Variants in PALM2AKAP2 observed in about 807,000 individuals in gnomAD.
The protein encoded by PALM2AKAP2 is PALM2-AKAP2 fusion protein.
PALM2AKAP2 carries 37 observed loss-of-function variants against 71.5 expected under a neutral mutation model. The ratio of observed to expected loss-of-function variants is 0.52; its 90% CI spans 0.40 to 0.68. The LOEUF (loss-of-function observed/expected upper bound fraction) is 0.68. PALM2AKAP2 is among the 30% of genes least tolerant of loss of function. The pLI is 0.00. For missense variants in PALM2AKAP2, 1,224 were observed against 1,191.8 expected (o/e 1.03, Z -0.40); for synonymous variants, 468 against 478.8 (o/e 0.98, Z 0.29).
intron 1 of PALM2AKAP2, among the ~76,000 whole-genome samples, chr9:109,794,852 G>A (rs1012958595): frequency 1.3e-5 from 2 of 152,224 alleles, no homozygotes; most frequent in African/African-American, 2.4e-5. Flanking sequence ...TTGTGAAATC[G>A]GGTTAAAGAA....
At chr9:109,934,892 A>G (rs545735583) in intron 6 of PALM2AKAP2, among the ~76,000 whole-genome samples, 1 of 152,374 alleles carries the variant, frequency 6.6e-6, no homozygotes, top group South Asian at 2.1e-4. Context: ...GAAAGACAAA[A>G]ATAAGCATGA....
intron 6 of PALM2AKAP2, among the ~76,000 whole-genome samples, chr9:109,947,119 T>G (rs1436489794): frequency 2.0e-5 from 3 of 152,248 alleles, no homozygotes; most frequent in Non-Finnish European, 4.4e-5. Flanking sequence ...CACAGTTTCC[T>G]TGAGCCTTCT....
exon 2 of PALM2AKAP2, chr9:110,138,327 T>A (rs1173545822): frequency 5.6e-6 from 9 of 1,614,180 alleles, no homozygotes; most frequent in Non-Finnish European, 6.8e-6. Context: ...GCCTCCCTCC[T>A]GGCCACTCAA....
chr9:109,703,957 A>G (rs1828104071), intron 1 of PALM2AKAP2, among the ~76,000 whole-genome samples: 1 of 152,152 alleles, frequency 6.6e-6, no homozygotes, highest in Non-Finnish European at 1.5e-5. Flanking sequence ...ACCCCTGGAG[A>G]AGGATCCACT....
intron 3 of PALM2AKAP2, among the ~76,000 whole-genome samples, chr9:109,915,423 A>C (rs546202883): frequency 6.6e-6 from 1 of 152,210 alleles, no homozygotes; most frequent in African/African-American, 2.4e-5. Context: ...TTGTGTTGCA[A>C]TGTGCATTCT....
chr9:110,056,076 C>T (rs1833833740), intron 1 of PALM2AKAP2, among the ~76,000 whole-genome samples: 1 of 152,204 alleles, frequency 6.6e-6, no homozygotes, highest in African/African-American at 2.4e-5. Context: ...GGGAGGGACC[C>T]TCATTTGCCC....
intron 1 of PALM2AKAP2, among the ~76,000 whole-genome samples, chr9:109,788,794 C>T (rs548868362): frequency 6.6e-6 from 1 of 152,258 alleles, no homozygotes; most frequent in South Asian, 2.1e-4. Flanking sequence ...TCATGCAAGC[C>T]GGGTGCGGTG....
intron 3 of PALM2AKAP2, among the ~76,000 whole-genome samples, chr9:109,912,729 C>G (rs999913724): frequency 5.9e-5 from 9 of 152,116 alleles, no homozygotes; most frequent in Non-Finnish European, 1.2e-4. Context: ...GATAGACAGA[C>G]AGACAGACAG....
At position 110,014,802 on chromosome 9, in the gene PALM2AKAP2, AAATGTATAT is replaced by A. The variant is rs1391093405; in HGVS notation, c.497-1150_497-1142del. On this transcript the variant is annotated intron_variant, in intron 6 of 9. Transcript: ENST00000302798. ...CTCAAAAAAAAAAAAAAAAAAAAAAAAATGTATATATATATATATATATATATATATATA... is the reference window on the plus strand; with the variant it reads ...CTCAAAAAAAAAAAAAAAAAAAAAAAATATATATATATATATATATATATA... 5.0e-3 allele frequency among the ~76,000 whole-genome samples: 206 copies of A among 41,438 alleles called. 20 individuals are homozygous for A. The highest frequency in any genetic ancestry group is 0.028 in the African/African-American group (161 of 5,848). 27.2% of individuals were successfully genotyped at this position (41,438 alleles called of 152,430 possible).
chr9:109,856,601 C>A (rs985779510), intron 1 of PALM2AKAP2, among the ~76,000 whole-genome samples: 4 of 152,268 alleles, frequency 2.6e-5, no homozygotes, highest in African/African-American at 9.6e-5. Context: ...TCATTTTATT[C>A]CTGTGTGGAT....
chr9:109,670,624 G>A (rs545862076), intron 1 of PALM2AKAP2, among the ~76,000 whole-genome samples: 2 of 152,074 alleles, frequency 1.3e-5, no homozygotes, highest in African/African-American at 4.8e-5. Context: ...TATTCCTTTG[G>A]GCATATATTC....
chr9:110,097,988 G>A (rs1341723740), intron 1 of PALM2AKAP2, among the ~76,000 whole-genome samples: 8 of 144,692 alleles, frequency 5.5e-5, no homozygotes, highest in Non-Finnish European at 9.0e-5. Context: ...GCGAAACCCC[G>A]TCTCCACCCA....
chr9:109,659,643 A>G lies in PALM2AKAP2; in HGVS notation c.5+18777A>G, dbSNP rs1564104112. ...ATATTTCAATGTATAGTAGAATTTT[A>G]TAAACATTTAACACTTTGCAAAGAT... On this transcript the variant is annotated intron_variant, in intron 1 of 6. Coordinates refer to the PALM2AKAP2 transcript ENST00000374531. Among the ~76,000 whole-genome samples the G allele has an allele frequency of 3.9e-5, 6 of 152,290 alleles. No individual in the cohort carries two copies. The South Asian group carries it at 1.2e-3, about 32-fold the overall frequency.
chr9:109,861,625 C>T (rs1219519230), intron 1 of PALM2AKAP2, among the ~76,000 whole-genome samples: 1 of 152,088 alleles, frequency 6.6e-6, no homozygotes, highest in African/African-American at 2.4e-5. Context: ...GGCACACTGC[C>T]CCGAATGGTT....
chr9:109,796,200 TA>T (rs530646791), intron 1 of PALM2AKAP2, among the ~76,000 whole-genome samples: 1,613 of 152,280 alleles, frequency 0.011, 34 homozygotes, highest in African/African-American at 0.037. Context: ...TATTTAGGAT[TA>T]AAAATATAAC....
intron 6 of PALM2AKAP2, among the ~76,000 whole-genome samples, chr9:110,012,766 A>G (rs1336298343): frequency 1.3e-5 from 2 of 152,242 alleles, no homozygotes; most frequent in Non-Finnish European, 2.9e-5. Context: ...TCTTATGGCC[A>G]TATAGCCTTT....
intron 2 of PALM2AKAP2, among the ~76,000 whole-genome samples, chr9:110,141,919 C>A (rs1836041015): frequency 6.6e-6 from 1 of 152,012 alleles, no homozygotes; most frequent in Non-Finnish European, 1.5e-5. Flanking sequence ...AAACCCCATC[C>A]CCCTGGTGTG....
intron 1 of PALM2AKAP2, among the ~76,000 whole-genome samples, chr9:109,664,586 G>A (rs1827450411): frequency 6.6e-6 from 1 of 152,152 alleles, no homozygotes; most frequent in African/African-American, 2.4e-5. Flanking sequence ...TTCCCTTTGT[G>A]GGTAACTCAA....
intron 6 of PALM2AKAP2, among the ~76,000 whole-genome samples, chr9:109,984,722 A>G (rs1411939849): frequency 1.4e-5 from 2 of 147,200 alleles, no homozygotes; most frequent in Admixed American, 6.8e-5. Flanking sequence ...TTTAAAGAAA[A>G]ATCAGCTGGG....
Sources: gnomAD v4.1 joint callset for allele counts (sites outside exome capture counted in the v4.1 genomes callset) on GRCh38, gnomAD v4.1.1 for gene constraint, MANE v1.5 for transcripts, NCBI Gene and HGNC (gene_info 2026-07-23, HGNC 2026-07-21) for gene names.